Variants in CUBN observed in about 807,000 individuals in gnomAD.
The protein encoded by CUBN is 460 kDa receptor.
A neutral mutation model predicts 405.3 loss-of-function variants in CUBN; 282 were observed. The observed-to-expected ratio is 0.70, with a 90% confidence interval of 0.63 to 0.77. The LOEUF is 0.77. Ranked by LOEUF, CUBN falls within the 30% of genes least tolerant of loss-of-function variation. The pLI is 0.00. For missense variants in CUBN, 4,514 were observed against 4,475.2 expected (o/e 1.01, Z -0.25); for synonymous variants, 1,684 against 1,617.0 (o/e 1.04, Z -0.99).
At position 16,838,149 on chromosome 10, in the gene CUBN, C is replaced by A. The variant is rs1224829407; in HGVS notation, c.10033-1767G>T. On this transcript the variant is annotated intron_variant, in intron 62 of 66. Coordinates refer to ENST00000377833, the MANE Select transcript of CUBN (RefSeq NM_001081.4). ...AGCTCATCTCAGCATATATGCTTTG[C>A]ACCAAACTCAGCAAGTCCAGGGTCT... is the stretch of plus-strand genomic sequence containing the variant. Among the ~76,000 whole-genome samples, 12 of 152,278 alleles carry A rather than the reference C, an allele frequency of 7.9e-5. No individual in the cohort carries two copies. In the East Asian group the frequency reaches 2.1e-3, roughly 27 times the overall value.
chr10:17,096,484 T>TA (rs1836377596), intron 14 of CUBN, among the ~76,000 whole-genome samples: 1 of 151,932 alleles, frequency 6.6e-6, no homozygotes, highest in Admixed American at 6.6e-5. Flanking sequence ...GAAAAGAAGA[T>TA]AAAAATAATG....
rs963269618 is a variant in CUBN at position 16,904,069 on chromosome 10, C to T, written c.7959G>A (p.Lys2653=). Residue 2653 remains lysine (K), a synonymous_variant, in exon 51 of 67, where the codon AAG becomes AAA. Transcript: ENST00000377833. Reference sequence around the variant, plus strand: ...AAGGTATAACCAATGGCAATGTAGGCTTTGAAGGACCACAAAGTCTCCACA... The same window carrying T: ...AAGGTATAACCAATGGCAATGTAGGTTTTGAAGGACCACAAAGTCTCCACA... ...PLMWRLCGPS[K]PTLPLVIPYS... 2.5e-6 allele frequency: 4 copies of T among 1,613,482 alleles called. No individual in the cohort carries two copies. Among genetic ancestry groups the T allele is most frequent in the Non-Finnish European group, 3.4e-6 (4 of 1,179,556 alleles).
At chr10:16,856,022 A>G (rs1839859952) in intron 59 of CUBN, among the ~76,000 whole-genome samples, 1 of 152,182 alleles carries the variant, frequency 6.6e-6, no homozygotes, top group African/African-American at 2.4e-5. Context: ...AAAAGGAGCT[A>G]TTGCCACATT....
intron 60 of CUBN, among the ~76,000 whole-genome samples, chr10:16,842,730 C>T (rs748916394): frequency 8.5e-5 from 13 of 152,350 alleles, no homozygotes; most frequent in Middle Eastern, 3.4e-3. Context: ...TAAAATGCTT[C>T]GGCAGATCCC....
rs567462571 is a variant in CUBN at position 16,844,757 on chromosome 10, C to T, written c.9664-3710G>A. Among the ~76,000 whole-genome samples the T allele has an allele frequency of 9.2e-5, 14 of 152,318 alleles. No individual in the cohort carries two copies. In the South Asian group the frequency reaches 2.9e-3, roughly 32 times the overall value. ...CAAGATCTCTATCTGCTCTCTTGTTCTCTGATAACACTAAACCTTCACTAC... is the reference window on the plus strand; with the variant it reads ...CAAGATCTCTATCTGCTCTCTTGTTTTCTGATAACACTAAACCTTCACTAC... On this transcript the variant is annotated intron_variant, in intron 60 of 66. Coordinates refer to ENST00000377833, the MANE Select transcript of CUBN (RefSeq NM_001081.4).
At chr10:16,854,997 CT>C (rs531151732) in intron 59 of CUBN, among the ~76,000 whole-genome samples, 127 of 140,738 alleles carry the variant, frequency 9.0e-4, no homozygotes, top group African/African-American at 3.3e-3. Context: ...CTTTCCTTTC[CT>C]TTTTTCTCTC....
In CUBN at chr10:16,844,256, C is replaced by G. The variant is rs189922981; in HGVS notation, c.9664-3209G>C. On this transcript the variant is annotated intron_variant, in intron 60 of 66. Transcript: ENST00000377833. Reference sequence around the variant, plus strand: ...TGCATTCCAGCCTGGGCGACAAGAGCGAAACTCTGTCCCCAAAAAAAAAAA... The same window carrying G: ...TGCATTCCAGCCTGGGCGACAAGAGGGAAACTCTGTCCCCAAAAAAAAAAA... Among the ~76,000 whole-genome samples the G allele has an allele frequency of 2.4e-5, 3 of 126,526 alleles. No individual in the cohort carries two copies. In the East Asian group the frequency reaches 6.5e-4, roughly 27 times the overall value. 83.0% of individuals were successfully genotyped at this position (126,526 alleles called of 152,430 possible). A position where few individuals can be genotyped will look rare whatever the true frequency, so the allele number is the denominator to read the frequency against.
chr10:17,000,130 A>G (rs142117068), intron 28 of CUBN, among the ~76,000 whole-genome samples: 91 of 152,256 alleles, frequency 6.0e-4, no homozygotes, highest in African/African-American at 2.1e-3. Flanking sequence ...AAATCCTCAC[A>G]TGCTCCACCC....
At position 17,071,737 on chromosome 10, in the gene CUBN, C is replaced by G. The variant is rs1006865953; in HGVS notation, c.2446+90G>C. 3 of 1,510,902 alleles carry G rather than the reference C, an allele frequency of 2.0e-6. No homozygotes were observed. In the African/African-American group the frequency reaches 4.1e-5, roughly 21 times the overall value. The allele number at this position is 1,510,902 out of a possible 1,614,324, so 93.6% of individuals were successfully genotyped here. A position where few individuals can be genotyped will look rare whatever the true frequency, so the allele number is the denominator to read the frequency against. On this transcript the variant is annotated intron_variant, in intron 18 of 66. Coordinates refer to ENST00000377833, the MANE Select transcript of CUBN (RefSeq NM_001081.4). Reference sequence around the variant, plus strand: ...CTATGAGAATATTTTCCACTTAACACTTGAGGACATAAAATGACTAAATTA... The same window carrying G: ...CTATGAGAATATTTTCCACTTAACAGTTGAGGACATAAAATGACTAAATTA...
At chr10:17,064,674 G>A (rs1031339904) in intron 22 of CUBN, among the ~76,000 whole-genome samples, 1 of 152,116 alleles carries the variant, frequency 6.6e-6, no homozygotes, top group Non-Finnish European at 1.5e-5. Flanking sequence ...TGAGCCTAAC[G>A]AAATATGACT....
intron 8 of CUBN, among the ~76,000 whole-genome samples, chr10:17,111,815 T>C (rs1836778520): frequency 6.6e-6 from 1 of 152,176 alleles, no homozygotes; most frequent in Non-Finnish European, 1.5e-5. Context: ...TCCCAGCTAC[T>C]TGGGAGGCTG....
intron 58 of CUBN, among the ~76,000 whole-genome samples, chr10:16,870,808 T>C (rs997437220): frequency 6.6e-6 from 1 of 152,196 alleles, no homozygotes; most frequent in African/African-American, 2.4e-5. Context: ...TAACCTATCC[T>C]GACAGATGCA....
At chr10:17,122,748 C>A (rs376853327) in intron 6 of CUBN, 47 bp downstream of exon 6, 1 of 1,043,992 alleles carries the variant, frequency 9.6e-7, no homozygotes, top group Non-Finnish European at 1.4e-6. Flanking sequence ...ATGTTTTAGG[C>A]CTTCAAAAAT....
At chr10:17,123,205 T>C (rs1837087278) in intron 5 of CUBN, among the ~76,000 whole-genome samples, 1 of 152,132 alleles carries the variant, frequency 6.6e-6, no homozygotes, top group Non-Finnish European at 1.5e-5. Context: ...TTTTTTTTTA[T>C]GTGCATGCTG....
intron 57 of CUBN, among the ~76,000 whole-genome samples, chr10:16,875,362 T>C (rs1840467756): frequency 6.6e-6 from 1 of 152,232 alleles, no homozygotes; most frequent in African/African-American, 2.4e-5. Context: ...CCTATCTATG[T>C]ATATTTATGA....
intron 31 of CUBN, among the ~76,000 whole-genome samples, chr10:16,971,554 T>G (rs1190381017): frequency 6.6e-6 from 1 of 152,168 alleles, no homozygotes; most frequent in African/African-American, 2.4e-5. Flanking sequence ...TTATAAATCA[T>G]CCAAGAAAAA....
chr10:16,890,453 A>G lies in CUBN; in HGVS notation c.8673T>C (p.Val2891=). The part of the protein sequence containing the change: ...TGCGNVAPGP[V]ITPSNTFTAV... ...CAGTGAATGTGTTACTTGGTGTGAT[A>G]ACGGGACCCGGAGCCACGTTCCCAC... Residue 2891 remains valine, a synonymous_variant, in exon 55 of 67, where the codon GTT becomes GTC. Coordinates refer to ENST00000377833, the MANE Select transcript of CUBN (RefSeq NM_001081.4). The G allele has an allele frequency of 6.2e-7, 1 of 1,614,132 alleles. No homozygotes were observed. The highest frequency in any genetic ancestry group is 8.5e-7 in the Non-Finnish European group (1 of 1,180,026).
At chr10:16,984,425 T>C in intron 29 of CUBN, 146 bp from the exon 30 acceptor site, 1 of 800,808 alleles carries the variant, frequency 1.2e-6, no homozygotes, top group Non-Finnish European at 2.0e-6. Flanking sequence ...GGATGCACTA[T>C]AAACTTGAGC....
At chr10:16,927,686 C>T (rs569565566) in intron 41 of CUBN, among the ~76,000 whole-genome samples, 6 of 152,298 alleles carry the variant, frequency 3.9e-5, no homozygotes, top group African/African-American at 1.4e-4. Flanking sequence ...ATATATGGTG[C>T]CCGCTTTTGA....
Sources: gnomAD v4.1 joint callset for allele counts (sites outside exome capture counted in the v4.1 genomes callset) on GRCh38, gnomAD v4.1.1 for gene constraint, MANE v1.5 for transcripts, NCBI Gene and HGNC (gene_info 2026-07-23, HGNC 2026-07-21) for gene names.